Variants in BRAF observed in about 807,000 individuals in gnomAD.
The protein encoded by BRAF is serine/threonine-protein kinase B-raf.
A neutral mutation model predicts 104.6 loss-of-function variants in BRAF; 16 were observed. The ratio of observed to expected loss-of-function variants is 0.15; its 90% CI spans 0.10 to 0.23. The LOEUF is 0.23. Among genes scored for constraint, BRAF ranks in the 10% least tolerant of loss-of-function variants. The pLI is 1.00. For missense variants in BRAF, 541 were observed against 937.3 expected (o/e 0.58, Z 5.52); for synonymous variants, 310 against 341.6 (o/e 0.91, Z 1.02).
chr7:140,767,161 G>C (rs993953430), intron 14 of BRAF, among the ~76,000 whole-genome samples: 5 of 151,806 alleles, frequency 3.3e-5, no homozygotes, highest in African/African-American at 1.2e-4. Flanking sequence ...AGACCACCAC[G>C]CCTGGCTAAT....
At position 140,725,592 on chromosome 7, in the gene BRAF, C is replaced by T. The variant is rs908642847; in HGVS notation, c.*902G>A. The stretch of plus-strand genomic sequence containing the variant: ...GTGGGGGTTTAGTTAGATACTGCCA[C>T]GGCATTTTGTGCCCTGGACAAAGTA... On this transcript the variant is annotated 3_prime_UTR_variant, in exon 20 of 20. Coordinates refer to ENST00000644969, the MANE Select transcript of BRAF (RefSeq NM_001374258.1). 8 of 1,057,296 alleles carry T rather than the reference C, an allele frequency of 7.6e-6. No individual in the cohort carries two copies. The highest frequency in any genetic ancestry group is 1.7e-5 in the African/African-American group (1 of 60,590). 65.5% of individuals were successfully genotyped at this position (1,057,296 alleles called of 1,614,324 possible).
intron 1 of BRAF, among the ~76,000 whole-genome samples, chr7:140,922,222 T>C (rs1002873606): frequency 4.6e-5 from 7 of 152,254 alleles, no homozygotes; most frequent in Non-Finnish European, 8.8e-5. Context: ...AGTATCCTTA[T>C]AGTTTCAGAA....
intron 1 of BRAF, among the ~76,000 whole-genome samples, chr7:140,854,114 C>A (rs1297325744): frequency 6.6e-6 from 1 of 152,152 alleles, no homozygotes; most frequent in Non-Finnish European, 1.5e-5. Context: ...GGACTACAGG[C>A]ACGCAGCAGC....
At chr7:140,773,560 G>T (rs1270295880) in intron 14 of BRAF, among the ~76,000 whole-genome samples, 3 of 151,914 alleles carry the variant, frequency 2.0e-5, no homozygotes, top group Admixed American at 1.3e-4. Flanking sequence ...CATAGATTAG[G>T]GTCTCCCAGT....
chr7:140,863,467 A>G (rs1426089620), intron 1 of BRAF, among the ~76,000 whole-genome samples: 1 of 152,222 alleles, frequency 6.6e-6, no homozygotes, highest in Non-Finnish European at 1.5e-5. Context: ...TCTAAGAGCA[A>G]TGAGAATCTA....
intron 1 of BRAF, among the ~76,000 whole-genome samples, chr7:140,880,252 C>T (rs1812749097): frequency 6.6e-6 from 1 of 152,194 alleles, no homozygotes; most frequent in South Asian, 2.1e-4. Flanking sequence ...GTGTTCACAG[C>T]ATCTTCAGCA....
intron 14 of BRAF, among the ~76,000 whole-genome samples, chr7:140,756,713 A>G (rs79297232): frequency 0.068 from 10,394 of 152,268 alleles, 396 homozygotes; most frequent in Admixed American, 0.1. Flanking sequence ...TAAGATGTTA[A>G]GGAGAGCATT....
At chr7:140,856,671 G>A (rs1215638134) in intron 1 of BRAF, among the ~76,000 whole-genome samples, 1 of 152,180 alleles carries the variant, frequency 6.6e-6, no homozygotes, top group Non-Finnish European at 1.5e-5. Flanking sequence ...CCAAAAGGCA[G>A]AGATAAATGA....
At chr7:140,895,964 A>AAC (rs1814841666) in intron 1 of BRAF, among the ~76,000 whole-genome samples, 1 of 152,042 alleles carries the variant, frequency 6.6e-6, no homozygotes, top group Non-Finnish European at 1.5e-5. Flanking sequence ...AGATCACAGG[A>AAC]ACCTCCATAC....
intron 1 of BRAF, among the ~76,000 whole-genome samples, chr7:140,883,272 C>CA (rs1813154694): frequency 6.6e-6 from 1 of 152,092 alleles, no homozygotes; most frequent in African/African-American, 2.4e-5. Context: ...TTACTGGATC[C>CA]TATTTAGTCA....
chr7:140,826,049 CCT>C (rs1806010806), intron 3 of BRAF, among the ~76,000 whole-genome samples: 1 of 152,054 alleles, frequency 6.6e-6, no homozygotes, highest in African/African-American at 2.4e-5. Flanking sequence ...TACTGCTTAA[CCT>C]CTCTTTTATA....
At chr7:140,835,918 T>A (rs945296958) in intron 2 of BRAF, 1 of 152,182 alleles carries the variant, frequency 6.6e-6, no homozygotes, top group Non-Finnish European at 1.5e-5. Context: ...AGGAGTTTAC[T>A]GTTGGGCAGT....
intron 14 of BRAF, among the ~76,000 whole-genome samples, chr7:140,775,958 T>C (rs1800302236): frequency 6.6e-6 from 1 of 152,162 alleles, no homozygotes; most frequent in African/African-American, 2.4e-5. Flanking sequence ...TATATACCCT[T>C]TTACTCTTTT....
chr7:140,897,060 T>TC (rs1815006089), intron 1 of BRAF, among the ~76,000 whole-genome samples: 1 of 138,454 alleles, frequency 7.2e-6, no homozygotes, highest in East Asian at 2.0e-4. Context: ...AACCTAATTC[T>TC]TTTTTTTTTT....
rs2130822234 is a variant in BRAF at position 140,722,683 on chromosome 7, T to C, written c.*3811A>G. The C allele has an allele frequency of 1.9e-6, 2 of 1,051,988 alleles. No individual in the cohort carries two copies. Among genetic ancestry groups the C allele is most frequent in the Non-Finnish European group, 2.3e-6 (2 of 870,880 alleles). The allele number at this position is 1,051,988 out of a possible 1,614,324, so 65.2% of individuals were successfully genotyped here. A position where few individuals can be genotyped will look rare whatever the true frequency, so the allele number is the denominator to read the frequency against. On this transcript the variant is annotated 3_prime_UTR_variant, in exon 20 of 20. Coordinates refer to ENST00000644969, the MANE Select transcript of BRAF (RefSeq NM_001374258.1). ...TAATCATTCTACCCTCTTAGCTGGG[T>C]GGTCTTTCTATGAATGCCTGTGCAT... is the stretch of plus-strand genomic sequence containing the variant.
At position 140,853,174 on chromosome 7, in the gene BRAF, T is replaced by C. The variant is rs576553764; in HGVS notation, c.139-2962A>G. ...CTGTAATCTCAGCACTTTGGGAGGC[T>C]GAGACGGGAGGATCGCAACATAGTA... On this transcript the variant is annotated intron_variant, in intron 1 of 19. Coordinates refer to ENST00000644969, the MANE Select transcript of BRAF (RefSeq NM_001374258.1). Among the ~76,000 whole-genome samples the C allele has an allele frequency of 1.0e-4, 15 of 149,568 alleles. No homozygotes were observed. In the South Asian group the frequency reaches 1.3e-3, roughly 13 times the overall value.
chr7:140,753,477 A>G (rs1446457997), intron 15 of BRAF, 84 bp from the exon 15 acceptor site: 17 of 862,436 alleles, frequency 2.0e-5, no homozygotes, highest in Non-Finnish European at 3.1e-5. Context: ...TAAGAGATCT[A>G]ATTTCTATAA....
chr7:140,737,742 A>C (rs1329795593), intron 18 of BRAF, among the ~76,000 whole-genome samples: 1 of 152,202 alleles, frequency 6.6e-6, no homozygotes, highest in Admixed American at 6.5e-5. Flanking sequence ...AAACATATAG[A>C]TCTTCAGCCA....
Position 140,723,088 on chromosome 7 carries a change from T to C in BRAF, c.*3406A>G, listed in dbSNP as rs1795397183. 1 of 1,051,438 alleles carries C rather than the reference T, an allele frequency of 9.5e-7. No individual in the cohort carries two copies. Among genetic ancestry groups the C allele is most frequent in the Non-Finnish European group, 1.1e-6 (1 of 870,572 alleles). The allele number at this position is 1,051,438 out of a possible 1,614,324, so 65.1% of individuals were successfully genotyped here. ...ACCTCATTCTGAAGAGGTAGTTTTT[T>C]GTAGAGGTCACCTGAACCCTGCAAT... On this transcript the variant is annotated 3_prime_UTR_variant, in exon 20 of 20. Transcript: ENST00000644969.
Sources: allele counts gnomAD v4.1 joint callset (sites outside exome capture counted in the v4.1 genomes callset), GRCh38; gene constraint gnomAD v4.1.1; transcripts MANE v1.5; gene names NCBI Gene and HGNC (gene_info 2026-07-23, HGNC 2026-07-21).